The following EPB41L4A variants were observed in gnomAD, a reference collection of about 807,000 sequenced individuals.
The protein encoded by EPB41L4A is erythrocyte membrane protein band 4.1 like 4A, also known as band 4.1-like protein 4A.
A neutral mutation model predicts 108.6 loss-of-function variants in EPB41L4A; 100 were observed. The ratio of observed to expected loss-of-function variants is 0.92; its 90% CI spans 0.78 to 1.09. The LOEUF (loss-of-function observed/expected upper bound fraction) is 1.09. Among genes scored for constraint, EPB41L4A ranks in the 50% least tolerant of loss-of-function variants. The pLI is 0.00. For missense variants in EPB41L4A, 1,030 were observed against 842.7 expected (o/e 1.22, Z -2.75); for synonymous variants, 319 against 289.0 (o/e 1.10, Z -1.05).
intron 1 of EPB41L4A, among the ~76,000 whole-genome samples, chr5:112,386,662 A>G (rs1219341340): frequency 6.6e-6 from 1 of 152,226 alleles, no homozygotes; most frequent in Non-Finnish European, 1.5e-5. Context: ...AATCGATTGT[A>G]TCAACTTTCT....
intron 2 of EPB41L4A, among the ~76,000 whole-genome samples, chr5:112,287,827 G>C: frequency 6.6e-6 from 1 of 152,164 alleles, no homozygotes; most frequent in East Asian, 1.9e-4. Flanking sequence ...TGTACCAAAC[G>C]AACTGGATGA....
rs141538807 is a variant in EPB41L4A, at chr5:112,260,232, A to C, written c.643-253T>G. On this transcript the variant is annotated intron_variant, in intron 7 of 22. Coordinates refer to ENST00000261486, the MANE Select transcript of EPB41L4A (RefSeq NM_022140.5). ...TTCATTAAAATGAGCCTGGGCTACC[A>C]GTCAGGCCAATGGGACTTACCCAAC... Among the ~76,000 whole-genome samples, 895 of 152,358 alleles carry C rather than the reference A, an allele frequency of 5.9e-3. 3 individuals are homozygous for C. The highest frequency in any genetic ancestry group is 0.01 in the Middle Eastern group (3 of 294).
intron 2 of EPB41L4A, among the ~76,000 whole-genome samples, chr5:112,281,235 C>A (rs945837543): frequency 2.0e-5 from 3 of 152,232 alleles, no homozygotes; most frequent in Non-Finnish European, 4.4e-5. Context: ...GTCTAAGATA[C>A]CTACTTATTA....
chr5:112,350,138 TA>T (rs1376679520), intron 1 of EPB41L4A, among the ~76,000 whole-genome samples: 1 of 64,984 alleles, frequency 1.5e-5, no homozygotes, highest in Non-Finnish European at 4.6e-5. Context: ...ACTCAATCTT[TA>T]TATATTTTGT....
intron 5 of EPB41L4A, among the ~76,000 whole-genome samples, chr5:112,265,829 G>A (rs980519705): frequency 6.6e-5 from 10 of 152,292 alleles, no homozygotes; most frequent in East Asian, 3.9e-4. Context: ...TGCCACATGC[G>A]GAACCTAGCA....
At chr5:112,306,671 C>T (rs577212730) in intron 2 of EPB41L4A, among the ~76,000 whole-genome samples, 1 of 152,294 alleles carries the variant, frequency 6.6e-6, no homozygotes, top group South Asian at 2.1e-4. Flanking sequence ...CATAATGAGG[C>T]TGTGCCTATC....
chr5:112,185,558 A>C (rs1161657893), intron 17 of EPB41L4A, among the ~76,000 whole-genome samples: 1 of 152,196 alleles, frequency 6.6e-6, no homozygotes, highest in African/African-American at 2.4e-5. Context: ...ACATACTCCA[A>C]GCCTTTGAAG....
chr5:112,188,088 A>T (rs1389775068), intron 17 of EPB41L4A, among the ~76,000 whole-genome samples: 1 of 152,244 alleles, frequency 6.6e-6, no homozygotes, highest in East Asian at 1.9e-4. Context: ...CTATAGCATA[A>T]CATTCCAGAC....
intron 12 of EPB41L4A, among the ~76,000 whole-genome samples, chr5:112,152,708 G>C (rs1055447679): frequency 1.3e-5 from 2 of 151,984 alleles, no homozygotes; most frequent in Admixed American, 1.3e-4. Context: ...CAATGACATA[G>C]CTATACTATA....
chr5:112,258,401 A>G (rs1214862278), intron 9 of EPB41L4A, among the ~76,000 whole-genome samples: 1 of 152,230 alleles, frequency 6.6e-6, no homozygotes, highest in African/African-American at 2.4e-5. Flanking sequence ...AATCAATTCA[A>G]CTCCACTTAG....
intron 1 of EPB41L4A, among the ~76,000 whole-genome samples, chr5:112,362,570 C>T (rs923963049): frequency 2.6e-5 from 4 of 152,140 alleles, no homozygotes; most frequent in Non-Finnish European, 4.4e-5. Context: ...CACGAGCCAC[C>T]GCACCCAGAC....
intron 11 of EPB41L4A, among the ~76,000 whole-genome samples, chr5:112,237,029 G>A (rs865787381): frequency 3.3e-5 from 5 of 152,170 alleles, no homozygotes; most frequent in Admixed American, 2.0e-4. Context: ...TGGGTTCCCA[G>A]GGGAGTTTCT....
chr5:112,166,655 A>G (rs1191802623), intron 22 of EPB41L4A, among the ~76,000 whole-genome samples: 2 of 152,188 alleles, frequency 1.3e-5, no homozygotes, highest in African/African-American at 2.4e-5. Flanking sequence ...TTTGTAATGC[A>G]TACTCCTATT....
At chr5:112,274,443 G>A (rs961402005) in intron 4 of EPB41L4A, among the ~76,000 whole-genome samples, 2 of 152,132 alleles carry the variant, frequency 1.3e-5, no homozygotes, top group Non-Finnish European at 2.9e-5. Flanking sequence ...GGTCCAATTA[G>A]CCTACCCTCT....
intron 1 of EPB41L4A, among the ~76,000 whole-genome samples, chr5:112,413,021 T>G (rs1027576777): frequency 6.6e-6 from 1 of 152,218 alleles, no homozygotes; most frequent in Non-Finnish European, 1.5e-5. Context: ...CAGTGCTGGT[T>G]CACAATAGCA....
rs562440567 is a variant in EPB41L4A, at chr5:112,153,106, C to G, written n.994+5295G>C. Among the ~76,000 whole-genome samples, 7 of 152,056 alleles carry G rather than the reference C, an allele frequency of 4.6e-5. 1 individual carries two copies. Among genetic ancestry groups the G allele is most frequent in the African/African-American group, 1.7e-4 (7 of 41,474 alleles). On this transcript the variant is annotated intron_variant and non_coding_transcript_variant, in intron 12 of 13. Transcript: ENST00000507810. ...TGGTGTTGTGGGCCTGTGGTCCCAG[C>G]TACTGAGGAGGCTGAGATGGGAGGA...
intron 1 of EPB41L4A, among the ~76,000 whole-genome samples, chr5:112,408,824 A>C (rs928834094): frequency 6.6e-6 from 1 of 151,984 alleles, no homozygotes; most frequent in Non-Finnish European, 1.5e-5. Context: ...TGATAATAAA[A>C]AAAGATTTAT....
chr5:112,254,517 C>A (rs1345391459), intron 9 of EPB41L4A, among the ~76,000 whole-genome samples: 1 of 152,216 alleles, frequency 6.6e-6, no homozygotes, highest in East Asian at 1.9e-4. Flanking sequence ...ACCCAATTTC[C>A]CCGCAAGTCC....
In EPB41L4A at chr5:112,184,131, G is replaced by A. The variant is rs779606560; in HGVS notation, c.1507C>T (p.Arg503Trp). The change falls in exon 18 of 23, where the codon CGG (arginine) becomes TGG (tryptophan). Residue 503 changes from arginine to tryptophan, a missense_variant. Coordinates refer to ENST00000261486, the MANE Select transcript of EPB41L4A (RefSeq NM_022140.5). The stretch of plus-strand genomic sequence containing the variant: ...GAATCAACCATATCATTCTCCTGCC[G>A]TATTCTGAAAGGAAAGCCATGCATC... The part of the protein sequence containing the change: ...REYRKKRNRI[R>W]QENDMVDSAP... 55 of 1,613,558 alleles carry A rather than the reference G, an allele frequency of 3.4e-5. No individual in the cohort carries two copies. Among genetic ancestry groups the A allele is most frequent in the Admixed American group, 3.3e-5 (2 of 59,970 alleles).
Sources: gnomAD v4.1 joint callset for allele counts (sites outside exome capture counted in the v4.1 genomes callset) on GRCh38, gnomAD v4.1.1 for gene constraint, MANE v1.5 for transcripts, NCBI Gene and HGNC (gene_info 2026-07-23, HGNC 2026-07-21) for gene names.